Variants in ZNF280C observed in about 807,000 individuals in gnomAD.
ZNF280C encodes the protein zinc finger protein 280C.
A neutral mutation model predicts 53.6 loss-of-function variants in ZNF280C; 14 were observed. The observed-to-expected ratio is 0.26, with a 90% CI of 0.17 to 0.41. The LOEUF (loss-of-function observed/expected upper bound fraction) is 0.41, where lower values mean the gene tolerates loss of function less well. Among genes scored for constraint, ZNF280C ranks in the 10% least tolerant of loss-of-function variants. The pLI is 1.00. For synonymous variants in ZNF280C, 203 were observed against 181.1 expected (o/e 1.12, Z -0.97); for missense variants, 416 against 547.1 (o/e 0.76, Z 2.39).
intron 2 of ZNF280C, among the ~76,000 whole-genome samples, chrX:130,256,922 C>T (rs1569440697): frequency 9.5e-6 from 1 of 105,160 alleles, no homozygotes; most frequent in Non-Finnish European, 1.9e-5. Flanking sequence ...GAAAGAGGGC[C>T]AGGCGCGGTG....
chrX:130,208,678 A>G (rs1269006724), intron 16 of ZNF280C, among the ~76,000 whole-genome samples: 5 of 110,186 alleles, frequency 4.5e-5, no homozygotes, highest in Non-Finnish European at 9.4e-5. Context: ...CTCGAATTCA[A>G]TGCTTTAAAA....
At position 130,204,989 on chromosome X, in the gene ZNF280C, G is replaced by C; in HGVS notation, c.2202C>G (p.Cys734Trp). The C allele has an allele frequency of 9.4e-7, 1 of 1,060,478 alleles. No homozygotes were observed. 87.4% of individuals were successfully genotyped at this position (1,060,478 alleles called of 1,213,427 possible). Residue 734 changes from cysteine to tryptophan, a missense_variant, in exon 19 of 19, where the codon TGC (cysteine) becomes TGG (tryptophan). By Grantham distance (215) the Cys-to-Trp change is radical. Around this residue, in one of 3 missense-constraint regions of ZNF280C, gnomAD observed 151 missense variants for 176.9 expected, o/e 0.85. Coordinates refer to ENST00000370978, the MANE Select transcript of ZNF280C (RefSeq NM_017666.5). ...ATGGAGCAGGAATCTATTTCAATGAGCAGCTTTAAGAAAAAAAAAAAAAAA... is the reference window on the plus strand; with the variant it reads ...ATGGAGCAGGAATCTATTTCAATGACCAGCTTTAAGAAAAAAAAAAAAAAA... The part of the protein sequence containing the change: ...STSTSEPTTG[C>W]SLK
intron 2 of ZNF280C, among the ~76,000 whole-genome samples, chrX:130,252,078 C>T (rs951804406): frequency 3.6e-5 from 4 of 112,270 alleles, no homozygotes; most frequent in African/African-American, 9.7e-5. Context: ...CGTGCCACTG[C>T]ACTACAGCCT....
chrX:130,244,286 A>G (rs1004884237), intron 3 of ZNF280C, among the ~76,000 whole-genome samples: 51 of 112,027 alleles, frequency 4.6e-4, no homozygotes, highest in African/African-American at 1.7e-3. Flanking sequence ...TTTGAGCCTC[A>G]CAAAACCCTC....
At chrX:130,241,285 T>C in intron 5 of ZNF280C, among the ~76,000 whole-genome samples, 1 of 112,492 alleles carries the variant, frequency 8.9e-6, no homozygotes, top group East Asian at 2.8e-4. Context: ...TTCGAGAATA[T>C]CTGTCTGTCA....
chrX:130,205,502 C>T, intron 16 of ZNF280C, 87 bp from the exon 17 acceptor site: 2 of 610,674 alleles, frequency 3.3e-6, no homozygotes, highest in Non-Finnish European at 5.0e-6. Context: ...CATGTACTAA[C>T]TTGATTTGCA....
At position 130,202,854 on chromosome X, in the gene ZNF280C, CTATA is replaced by C. The variant is rs761433503; in HGVS notation, c.*2119_*2122del. On this transcript the variant is annotated 3_prime_UTR_variant, in exon 19 of 19. Transcript: ENST00000370978. ...ACAAGAAATTAAAAAAAATATACAT[CTATA>C]TATATATGAGCAAGAAACAAGTGCA... 1 of 110,903 alleles carries C rather than the reference CTATA, an allele frequency of 9.0e-6. No homozygotes were observed. The highest frequency in any genetic ancestry group is 3.3e-5 in the African/African-American group (1 of 30,568). 9.1% of individuals were successfully genotyped at this position (110,903 alleles called of 1,213,427 possible). A position where few individuals can be genotyped will look rare whatever the true frequency, so the allele number is the denominator to read the frequency against.
At chrX:130,246,750 C>G in intron 3 of ZNF280C, 109 bp downstream of exon 3, 8 of 959,166 alleles carry the variant, frequency 8.3e-6, no homozygotes, top group Non-Finnish European at 1.0e-5. Context: ...TCCCTCTTAC[C>G]TCTAACTCCT....
At chrX:130,221,527 G>T (rs766195374) in intron 12 of ZNF280C, among the ~76,000 whole-genome samples, 1 of 111,193 alleles carries the variant, frequency 9.0e-6, no homozygotes, top group East Asian at 2.8e-4. Context: ...GTGGGGAAGG[G>T]CACAAAATCT....
chrX:130,225,327 C>T (rs2124702310), intron 12 of ZNF280C, among the ~76,000 whole-genome samples: 1 of 110,449 alleles, frequency 9.1e-6, no homozygotes, highest in South Asian at 3.9e-4. Context: ...ATACAGACCA[C>T]CAAGAATAGT....
chrX:130,212,234 G>A (rs1489401973), intron 15 of ZNF280C, among the ~76,000 whole-genome samples: 1 of 111,979 alleles, frequency 8.9e-6, no homozygotes, highest in Non-Finnish European at 1.9e-5. Context: ...TGAAGTAAAA[G>A]TGGTTTGAAT....
intron 5 of ZNF280C, 98 bp downstream of exon 5, chrX:130,243,465 G>T: frequency 1.0e-6 from 1 of 968,485 alleles, no homozygotes; most frequent in Admixed American, 2.7e-5. Context: ...GATTACAGGC[G>T]TGAGCCACTG....
chrX:130,223,066 AT>A (rs200686454), intron 12 of ZNF280C, among the ~76,000 whole-genome samples: 3 of 107,812 alleles, frequency 2.8e-5, no homozygotes, highest in African/African-American at 6.8e-5. Flanking sequence ...TATATGAGGA[AT>A]TTTTTTTTCT....
intron 1 of ZNF280C, among the ~76,000 whole-genome samples, chrX:130,260,881 T>C (rs2032623528): frequency 8.9e-6 from 1 of 111,945 alleles, no homozygotes; most frequent in Non-Finnish European, 1.9e-5. Flanking sequence ...GGGATCTTTA[T>C]GCAAAAATGA....
chrX:130,251,788 G>GAA (rs56669311), intron 2 of ZNF280C, among the ~76,000 whole-genome samples: 54 of 81,489 alleles, frequency 6.6e-4, no homozygotes, highest in African/African-American at 2.0e-3. Context: ...GACTTCGTCT[G>GAA]AAAAAAAAAA....
At chrX:130,239,500 G>A (rs1049802790) in intron 6 of ZNF280C, 82 bp downstream of exon 6, 3 of 531,544 alleles carry the variant, frequency 5.6e-6, no homozygotes, top group Non-Finnish European at 9.4e-6. Context: ...GAAGGTATGG[G>A]CTTCAAAACA....
intron 12 of ZNF280C, among the ~76,000 whole-genome samples, chrX:130,222,579 A>C (rs2032179434): frequency 8.9e-6 from 1 of 112,339 alleles, no homozygotes; most frequent in East Asian, 2.8e-4. Flanking sequence ...GGGAGACATT[A>C]ATCTACTATT....
chrX:130,243,775 T>C, intron 4 of ZNF280C, 25 bp downstream of exon 4: 1 of 1,176,754 alleles, frequency 8.5e-7, no homozygotes, highest in Non-Finnish European at 1.1e-6. Flanking sequence ...AACTTTAAAA[T>C]TGAAATACTA....
chrX:130,248,633 G>GAA (rs1386574672), intron 2 of ZNF280C, among the ~76,000 whole-genome samples: 2 of 111,396 alleles, frequency 1.8e-5, no homozygotes, highest in African/African-American at 6.5e-5. Context: ...AGCACTCTTT[G>GAA]GTCAGCTGTC....
Sources: gnomAD v4.1 joint callset for allele counts (sites outside exome capture counted in the v4.1 genomes callset) on GRCh38, gnomAD v4.1.1 for gene constraint, gnomAD v4.1.1 regional missense constraint, MANE v1.5 for transcripts, NCBI Gene and HGNC (gene_info 2026-07-23, HGNC 2026-07-21) for gene names.